The following DAB2IP variants were observed in gnomAD, a reference collection of about 807,000 sequenced individuals.
DAB2IP encodes the protein DAB2 interacting protein.
In DAB2IP, 28 loss-of-function variants were observed where a neutral mutation model predicts 107.2. The ratio of observed to expected loss-of-function variants is 0.26; its 90% CI spans 0.19 to 0.36. DAB2IP has a LOEUF of 0.36. Ranked by LOEUF, DAB2IP falls within the 10% of genes least tolerant of loss-of-function variation. The probability of loss-of-function intolerance (pLI) is 1.00; values close to 1 mark genes in which losing one functional copy is unlikely to be tolerated. For synonymous variants in DAB2IP, 755 were observed against 706.4 expected (o/e 1.07, Z -1.09); for missense variants, 1,400 against 1,644.7 (o/e 0.85, Z 2.57).
intron 6 of DAB2IP, 90 bp from the exon 7 acceptor site, chr9:121,763,415 G>A: frequency 6.7e-7 from 1 of 1,503,430 alleles, no homozygotes; most frequent in Non-Finnish European, 8.9e-7. Context: ...GCCTCAAAAT[G>A]CCAGGACTTC....
At chr9:121,694,308 TC>T (rs966034664) in intron 2 of DAB2IP, among the ~76,000 whole-genome samples, 1 of 152,044 alleles carries the variant, frequency 6.6e-6, no homozygotes, top group African/African-American at 2.4e-5. Flanking sequence ...GAGCCTGCAT[TC>T]CCCCACCCGG....
intron 3 of DAB2IP, among the ~76,000 whole-genome samples, chr9:121,721,234 C>T (rs1830913694): frequency 6.6e-6 from 1 of 152,200 alleles, no homozygotes; most frequent in Admixed American, 6.5e-5. Flanking sequence ...AAGGCTCACC[C>T]CAGTGTCTTG....
At chr9:121,683,274 G>A (rs111463337) in intron 2 of DAB2IP, among the ~76,000 whole-genome samples, 1 of 152,150 alleles carries the variant, frequency 6.6e-6, no homozygotes, top group African/African-American at 2.4e-5. Flanking sequence ...TGATTTGGGA[G>A]GCAAAGAGCT....
At chr9:121,661,633 A>G (rs935471257) in intron 1 of DAB2IP, among the ~76,000 whole-genome samples, 7 of 152,156 alleles carry the variant, frequency 4.6e-5, no homozygotes, top group Non-Finnish European at 8.8e-5. Context: ...CCCGGGAGAC[A>G]GACCACCAGT....
Position 121,600,150 on chromosome 9 carries a change from A to G in DAB2IP, c.40+32922A>G, listed in dbSNP as rs555575600. 4.0e-3 allele frequency among the ~76,000 whole-genome samples: 603 copies of G among 152,202 alleles called. 2 individuals are homozygous for G. The highest frequency in any genetic ancestry group is 0.014 in the African/African-American group (579 of 41,544). On this transcript the variant is annotated intron_variant, in intron 1 of 16. Transcript: ENST00000259371. ...CAGCCTACCGATCCCCAAGGCTTCC[A>G]GCGGTCTCCCAAACTTCAGACCTTC...
chr9:121,575,457 C>A (rs181266589), intron 1 of DAB2IP: 1 of 152,146 alleles, frequency 6.6e-6, no homozygotes, highest in Admixed American at 6.5e-5. Context: ...TAGCATGATC[C>A]GGGTCCCCTA....
intron 1 of DAB2IP, among the ~76,000 whole-genome samples, chr9:121,603,163 G>C (rs1221205267): frequency 1.3e-5 from 2 of 152,158 alleles, no homozygotes; most frequent in Non-Finnish European, 2.9e-5. Flanking sequence ...GGAGAGGAGC[G>C]GGGTGGTTCT....
At chr9:121,628,512 G>A (rs1289468363) in intron 1 of DAB2IP, among the ~76,000 whole-genome samples, 2 of 152,238 alleles carry the variant, frequency 1.3e-5, no homozygotes, top group African/African-American at 4.8e-5. Context: ...GGGGCTGCTG[G>A]TGGCCACTGC....
chr9:121,752,038 T>C, intron 3 of DAB2IP: 2 of 985,412 alleles, frequency 2.0e-6, no homozygotes, highest in Non-Finnish European at 2.4e-6. Flanking sequence ...CTGCCATGTT[T>C]AGAAGGGTCT....
intron 3 of DAB2IP, among the ~76,000 whole-genome samples, chr9:121,731,591 G>C (rs1831542065): frequency 6.6e-6 from 1 of 152,242 alleles, no homozygotes; most frequent in African/African-American, 2.4e-5. Context: ...GTCTCCTCCA[G>C]CTTCTTGCTG....
chr9:121,741,189 A>G (rs896515179), intron 3 of DAB2IP, among the ~76,000 whole-genome samples: 2 of 152,190 alleles, frequency 1.3e-5, no homozygotes, highest in African/African-American at 4.8e-5. Context: ...AGGATGAGGC[A>G]AGCCTTGAAC....
chr9:121,783,411 A>G, exon 16 of DAB2IP: 1 of 1,594,938 alleles, frequency 6.3e-7, no homozygotes, highest in South Asian at 1.1e-5. Context: ...TCCTGTAGGG[A>G]GTGCCACCTG....
chr9:121,616,768 C>G (rs1427202307), intron 1 of DAB2IP, among the ~76,000 whole-genome samples: 1 of 152,234 alleles, frequency 6.6e-6, no homozygotes, highest in Non-Finnish European at 1.5e-5. Flanking sequence ...CCCTCACCAT[C>G]AACCTTTGGT....
chr9:121,758,984 G>A (rs750619917), exon 5 of DAB2IP: 1 of 1,612,350 alleles, frequency 6.2e-7, no homozygotes, highest in East Asian at 2.2e-5. Flanking sequence ...GGCGAGCGGT[G>A]CATCCCAACA....
At chr9:121,598,841 G>C (rs1374703137) in intron 1 of DAB2IP, among the ~76,000 whole-genome samples, 1 of 152,266 alleles carries the variant, frequency 6.6e-6, no homozygotes, top group East Asian at 1.9e-4. Context: ...AAAAGCGTTC[G>C]CCCCGCTCTG....
At chr9:121,783,920 G>A (rs996234372) in exon 16 of DAB2IP, 10 of 291,964 alleles carry the variant, frequency 3.4e-5, no homozygotes, top group East Asian at 6.7e-5. Context: ...GGGTAAGAAG[G>A]GTGGGAGTGG....
intron 3 of DAB2IP, among the ~76,000 whole-genome samples, chr9:121,735,787 C>T (rs368938149): frequency 1.3e-5 from 2 of 152,276 alleles, no homozygotes; most frequent in East Asian, 3.9e-4. Context: ...AAAGGGTGAC[C>T]CCAGGCAAAA....
At chr9:121,576,946 G>C (rs1830073787) in intron 1 of DAB2IP, among the ~76,000 whole-genome samples, 1 of 152,128 alleles carries the variant, frequency 6.6e-6, no homozygotes, top group African/African-American at 2.4e-5. Context: ...GCTTGCAGAA[G>C]CCCTCACTCA....
At chr9:121,732,307 C>T (rs2118856587) in intron 3 of DAB2IP, among the ~76,000 whole-genome samples, 1 of 152,254 alleles carries the variant, frequency 6.6e-6, no homozygotes, top group Non-Finnish European at 1.5e-5. Flanking sequence ...AATTTACTCC[C>T]ACTAAATGTT....
Sources: allele counts gnomAD v4.1 joint callset (sites outside exome capture counted in the v4.1 genomes callset), GRCh38; gene constraint gnomAD v4.1.1; transcripts MANE v1.5; gene names NCBI Gene and HGNC (gene_info 2026-07-23, HGNC 2026-07-21).